The following NCOA3 variants were observed in gnomAD, a reference collection of about 807,000 sequenced individuals.
NCOA3 encodes CBP-interacting protein.
In NCOA3, 51 loss-of-function variants were observed where a neutral mutation model predicts 158.8. That is an observed-to-expected ratio of 0.32 (90% confidence interval 0.26 to 0.41). The LOEUF is 0.41. Among genes scored for constraint, NCOA3 ranks in the 10% least tolerant of loss-of-function variants. The pLI is 1.00. For synonymous variants in NCOA3, 537 were observed against 592.4 expected, an observed-to-expected ratio of 0.91 and a Z score of 1.36; for missense variants, 1,510 against 1,746.6, an observed-to-expected ratio of 0.86 and a Z score of 2.41.
At chr20:47,536,928 T>C (rs1251649004) in intron 1 of NCOA3, among the ~76,000 whole-genome samples, 5 of 151,480 alleles carry the variant, frequency 3.3e-5, no homozygotes, top group Non-Finnish European at 7.4e-5. Flanking sequence ...CTCAGCCTCC[T>C]GAGTAGCTGG....
At chr20:47,605,576 CTA>C (rs1213714087) in intron 2 of NCOA3, among the ~76,000 whole-genome samples, 1 of 151,818 alleles carries the variant, frequency 6.6e-6, no homozygotes, top group African/African-American at 2.4e-5. Flanking sequence ...TGGTTTCTAC[CTA>C]TGAGATTTTT....
intron 1 of NCOA3, among the ~76,000 whole-genome samples, chr20:47,554,837 C>T (rs1426487965): frequency 6.6e-6 from 1 of 152,104 alleles, no homozygotes; most frequent in Non-Finnish European, 1.5e-5. Context: ...TGACTTTCTT[C>T]ACAGAATTGG....
chr20:47,626,989 T>C lies in NCOA3; in HGVS notation c.358-13T>C. 1 of 1,604,602 alleles carries C rather than the reference T, an allele frequency of 6.2e-7. No individual in the cohort carries two copies. The highest frequency in any genetic ancestry group is 1.7e-5 in the Admixed American group (1 of 58,992). ...CAGTCCATAACAGCCTGTATTAACA[T>C]ATCCTATTTTAGGCATTGGATGGTT... is the stretch of plus-strand genomic sequence containing the variant. On this transcript the variant is annotated splice_polypyrimidine_tract_variant and intron_variant, in intron 5 of 22. Transcript: ENST00000371998.
chr20:47,638,130 GA>G (rs1712244707), intron 13 of NCOA3, among the ~76,000 whole-genome samples: 1 of 152,086 alleles, frequency 6.6e-6, no homozygotes. Flanking sequence ...TCAGACTCTA[GA>G]TTAAAACCTG....
chr20:47,634,157 T>C lies in NCOA3; in HGVS notation c.1074T>C (p.Asn358=), dbSNP rs750819981. The C allele has an allele frequency of 6.2e-7, 1 of 1,614,178 alleles. No homozygotes were observed. The highest frequency in any genetic ancestry group is 1.3e-5 in the African/African-American group (1 of 75,062). Residue 358 remains asparagine, a synonymous_variant, in exon 10 of 23, where the codon AAT becomes AAC. Coordinates refer to ENST00000371998, the MANE Select transcript of NCOA3 (RefSeq NM_181659.3). ...KSKLFRNPVT[N]DRHGFVSTHF... is the part of the protein sequence containing the mutation. ...AACTCTTCCGAAATCCTGTAACAAATGATCGACATGGCTTTGTCTCAACCC... is the reference window on the plus strand; with the variant it reads ...AACTCTTCCGAAATCCTGTAACAAACGATCGACATGGCTTTGTCTCAACCC...
intron 1 of NCOA3, among the ~76,000 whole-genome samples, chr20:47,537,824 T>C (rs2084659616): frequency 6.6e-6 from 1 of 152,032 alleles, no homozygotes; most frequent in African/African-American, 2.4e-5. Context: ...GGTTGTGATC[T>C]GCCCGCCTCG....
Position 47,639,221 on chromosome 20 carries a change from G to A in NCOA3, c.2707+19G>A, listed in dbSNP as rs1471312291. The A allele has an allele frequency of 2.5e-6, 4 of 1,569,444 alleles. No homozygotes were observed. In the African/African-American group the frequency reaches 5.4e-5, roughly 21 times the overall value. ...AGTATGGGTACGTTATTTCTAATTA[G>A]TATGTATGATTATTTTGGGAAAAGC... On this transcript the variant is annotated intron_variant, in intron 14 of 22. Coordinates refer to ENST00000371998, the MANE Select transcript of NCOA3 (RefSeq NM_181659.3).
chr20:47,579,473 G>GA (rs979627975), intron 1 of NCOA3, among the ~76,000 whole-genome samples: 1 of 151,892 alleles, frequency 6.6e-6, no homozygotes, highest in South Asian at 2.1e-4. Flanking sequence ...TTTTGATAAA[G>GA]AAAAAAAATA....
At chr20:47,647,914 G>GT (rs1445300112) in intron 18 of NCOA3, among the ~76,000 whole-genome samples, 2,782 of 125,966 alleles carry the variant, frequency 0.022, 70 homozygotes, top group South Asian at 0.047. Context: ...TGTTTGTTTT[G>GT]TTTTGTTTTT....
At position 47,655,644 on chromosome 20, in the gene NCOA3, CAG is replaced by C. The variant is rs1431280106; in HGVS notation, c.*2230_*2231del. 1 of 152,504 alleles carries C rather than the reference CAG, an allele frequency of 6.6e-6. No individual in the cohort carries two copies. The allele number at this position is 152,504 out of a possible 1,614,324, so 9.4% of individuals were successfully genotyped here. On this transcript the variant is annotated 3_prime_UTR_variant, in exon 23 of 23. Transcript: ENST00000371998. The stretch of plus-strand genomic sequence containing the variant: ...GATAGTATACTCTCCTGTTTGGAGA[CAG>C]AGGAAGAACCAGGTCAGTCTGTCTC...
At position 47,636,114 on chromosome 20, in the gene NCOA3, C is replaced by A. The variant is rs747217717; in HGVS notation, c.1728C>A (p.Asp576Glu). The A allele has an allele frequency of 6.2e-7, 1 of 1,614,120 alleles. No homozygotes were observed. The highest frequency in any genetic ancestry group is 1.7e-5 in the Admixed American group (1 of 60,006). ...AGAGTCCTCTGGGCTTTTATTGCGACCAAAATCCAGTGGAGAGTTCAATGT... is the reference window on the plus strand; with the variant it reads ...AGAGTCCTCTGGGCTTTTATTGCGAACAAAATCCAGTGGAGAGTTCAATGT... ...DSKSPLGFYC[D>E]QNPVESSMCQ... The change falls in exon 12 of 23, where the codon GAC (aspartate) becomes GAA (glutamate). Residue 576 changes from aspartate (D) to glutamate (E), a missense_variant. By Grantham distance (45) the Asp-to-Glu change is conservative. Coordinates refer to ENST00000371998, the MANE Select transcript of NCOA3 (RefSeq NM_181659.3).
chr20:47,634,083 C>A lies in NCOA3; in HGVS notation c.1000C>A (p.Arg334=), dbSNP rs1400991947. ...LNGHAETPVY[R]FSLADGTIVT... is the part of the protein sequence containing the mutation. ...TGGCCATGCAGAAACCCCAGTATAT[C>A]GATTCTCGTTGGCTGATGGAACTAT... Residue 334 remains arginine, a synonymous_variant, in exon 10 of 23, where the codon CGA becomes AGA. Transcript: ENST00000371998. 1.9e-6 allele frequency: 3 copies of A among 1,614,056 alleles called. No homozygotes were observed. Among genetic ancestry groups the A allele is most frequent in the Admixed American group, 3.3e-5 (2 of 60,002 alleles).
Position 47,635,580 on chromosome 20 carries a change from C to T in NCOA3, c.1371C>T (p.Asn457=), listed in dbSNP as rs763311418. 13 of 1,614,174 alleles carry T rather than the reference C, an allele frequency of 8.1e-6. No homozygotes were observed. Among genetic ancestry groups the T allele is most frequent in the Non-Finnish European group, 1.1e-5 (13 of 1,180,034 alleles). ...GMQSPSSYQN[N]NYGLNMSSPP... ...AATCACCATCTTCCTACCAGAACAA[C>T]AACTATGGGCTCAACATGAGTAGCC... The change falls in exon 11 of 23, where the codon AAC becomes AAT. Residue 457 remains asparagine, a synonymous_variant. Transcript: ENST00000371998.
At chr20:47,543,361 C>A (rs570669363) in intron 1 of NCOA3, among the ~76,000 whole-genome samples, 1 of 152,246 alleles carries the variant, frequency 6.6e-6, no homozygotes, top group African/African-American at 2.4e-5. Flanking sequence ...ATGGGTGTCA[C>A]TGGGGATGTC....
At chr20:47,557,321 C>T (rs1180588924) in intron 1 of NCOA3, among the ~76,000 whole-genome samples, 1 of 152,168 alleles carries the variant, frequency 6.6e-6, no homozygotes, top group Non-Finnish European at 1.5e-5. Context: ...TGAGTGCCCA[C>T]CATGTGTTAG....
chr20:47,600,814 CAAAAAAAAAA>C (rs376125255), intron 2 of NCOA3, among the ~76,000 whole-genome samples: 33 of 73,060 alleles, frequency 4.5e-4, no homozygotes, highest in Non-Finnish European at 6.2e-4. Flanking sequence ...CTGTCCCTGG[CAAAAAAAAAA>C]AAAAAAAAAG....
At chr20:47,509,080 G>T (rs1792675219) in intron 1 of NCOA3, among the ~76,000 whole-genome samples, 1 of 152,186 alleles carries the variant, frequency 6.6e-6, no homozygotes, top group Admixed American at 6.5e-5. Flanking sequence ...TGTGAAGTTA[G>T]ATGCAGCTTT....
chr20:47,578,302 C>T (rs747553595), intron 1 of NCOA3, among the ~76,000 whole-genome samples: 45 of 152,194 alleles, frequency 3.0e-4, no homozygotes, highest in Non-Finnish European at 1.3e-4. Context: ...TCTCCTGCCT[C>T]GGCCTCCCGA....
chr20:47,541,016 A>C (rs1247839710), intron 1 of NCOA3, among the ~76,000 whole-genome samples: 1 of 152,144 alleles, frequency 6.6e-6, no homozygotes, highest in Non-Finnish European at 1.5e-5. Context: ...TTAAATCTCC[A>C]TATGAGAGTG....
Sources: allele counts gnomAD v4.1 joint callset (sites outside exome capture counted in the v4.1 genomes callset), GRCh38; gene constraint gnomAD v4.1.1; transcripts MANE v1.5; gene names NCBI Gene and HGNC (gene_info 2026-07-23, HGNC 2026-07-21).